TAB2: variants seen among roughly 807,000 people sequenced by gnomAD.
TAB2 encodes TGF-beta-activated kinase 1 and MAP3K7-binding protein 2.
TAB2 carries 3 observed loss-of-function variants against 65.0 expected under a neutral mutation model. That is an observed-to-expected ratio of 0.05 (90% CI 0.02 to 0.12). The LOEUF (loss-of-function observed/expected upper bound fraction) is 0.12. Ranked by LOEUF, TAB2 falls within the 10% of genes least tolerant of loss-of-function variation. The pLI, the probability that TAB2 is intolerant of heterozygous loss-of-function variation, is 1.00. For synonymous variants in TAB2, 298 were observed against 285.1 expected (o/e 1.05, Z -0.46); for missense variants, 623 against 840.3 (o/e 0.74, Z 3.20).
At chr6:149,346,448 CTTTTT>C (rs11399281) in intron 1 of TAB2, 8 of 113,408 alleles carry the variant, frequency 7.1e-5, no homozygotes, top group African/African-American at 1.4e-4. Flanking sequence ...GTTGGTGAAA[CTTTTT>C]TTTTTTTTTT....
At chr6:149,385,376 T>TA (rs1781756392) in intron 3 of TAB2, among the ~76,000 whole-genome samples, 2 of 152,194 alleles carry the variant, frequency 1.3e-5, no homozygotes, top group African/African-American at 4.8e-5. Context: ...CTTTATTAAA[T>TA]AAAAGCCTAC....
At chr6:149,294,638 G>T (rs1376762700) in intron 1 of TAB2, among the ~76,000 whole-genome samples, 3 of 152,178 alleles carry the variant, frequency 2.0e-5, no homozygotes, top group Non-Finnish European at 4.4e-5. Context: ...CCACGGTCAT[G>T]TATAGTTTTG....
chr6:149,322,791 T>G (rs1779497031), intron 1 of TAB2, among the ~76,000 whole-genome samples: 1 of 152,182 alleles, frequency 6.6e-6, no homozygotes, highest in African/African-American at 2.4e-5. Flanking sequence ...ATAGTAACTA[T>G]AGAGTAAATG....
intron 1 of TAB2, among the ~76,000 whole-genome samples, chr6:149,352,792 T>G (rs1780532542): frequency 6.6e-6 from 1 of 152,192 alleles, no homozygotes; most frequent in Non-Finnish European, 1.5e-5. Flanking sequence ...TACTTGGGCT[T>G]TATACTTAGG....
intron 6 of TAB2, among the ~76,000 whole-genome samples, chr6:149,406,269 A>AT (rs1453853496): frequency 6.6e-6 from 1 of 152,248 alleles, no homozygotes; most frequent in East Asian, 1.9e-4. Flanking sequence ...CATAAGAAAC[A>AT]TTAAGGTTTG....
chr6:149,302,154 T>C (rs1171184919), intron 1 of TAB2, among the ~76,000 whole-genome samples: 1 of 152,220 alleles, frequency 6.6e-6, no homozygotes, highest in Non-Finnish European at 1.5e-5. Context: ...ACACTGTCAT[T>C]TTCCCAAATG....
At chr6:149,264,400 G>C (rs77394887) in intron 1 of TAB2, among the ~76,000 whole-genome samples, 1 of 152,132 alleles carries the variant, frequency 6.6e-6, no homozygotes, top group Non-Finnish European at 1.5e-5. Flanking sequence ...CTCCTCCCTC[G>C]GAGGCCTAAT....
At chr6:149,329,587 G>A (rs1176053739) in intron 1 of TAB2, among the ~76,000 whole-genome samples, 2 of 148,908 alleles carry the variant, frequency 1.3e-5, no homozygotes, top group South Asian at 2.2e-4. Context: ...GAAAATAGAG[G>A]CAGTAGCAAA....
intron 1 of TAB2, among the ~76,000 whole-genome samples, chr6:149,238,519 G>A (rs969614046): frequency 6.6e-5 from 10 of 152,168 alleles, no homozygotes; most frequent in African/African-American, 2.2e-4. Flanking sequence ...CAGTGGCTCA[G>A]TGCTGAACAA....
At chr6:149,383,710 G>A (rs1442406337) in intron 3 of TAB2, among the ~76,000 whole-genome samples, 1 of 152,158 alleles carries the variant, frequency 6.6e-6, no homozygotes, top group Non-Finnish European at 1.5e-5. Flanking sequence ...AGCCTCCCGG[G>A]TAGCTGTGAT....
chr6:149,312,849 AT>A (rs1417359531), upstream of TAB2, among the ~76,000 whole-genome samples: 4 of 152,178 alleles, frequency 2.6e-5, no homozygotes, highest in South Asian at 2.1e-4. Context: ...TTACACAGTT[AT>A]TTTTTATGGT....
intron 1 of TAB2, among the ~76,000 whole-genome samples, chr6:149,289,635 G>A (rs1014239686): frequency 3.9e-5 from 6 of 152,144 alleles, no homozygotes; most frequent in Admixed American, 6.5e-5. Flanking sequence ...GCCTATGCCC[G>A]GAAACTACAC....
intron 1 of TAB2, among the ~76,000 whole-genome samples, chr6:149,337,856 G>A (rs1455739878): frequency 6.6e-6 from 1 of 152,132 alleles, no homozygotes; most frequent in Admixed American, 6.6e-5. Context: ...GATAGGGATA[G>A]GGTGGTAAGC....
At chr6:149,300,894 G>T (rs1778958437) in intron 1 of TAB2, among the ~76,000 whole-genome samples, 1 of 152,230 alleles carries the variant, frequency 6.6e-6, no homozygotes. Flanking sequence ...AGAGAATCCT[G>T]ACTCAGCTAC....
rs549584759 is a variant in TAB2, at chr6:149,401,753, G to A, written c.1939+2569G>A. Among the ~76,000 whole-genome samples, 11 of 152,062 alleles carry A rather than the reference G, an allele frequency of 7.2e-5. No individual in the cohort carries two copies. The East Asian group carries it at 2.1e-3, about 29-fold the overall frequency. On this transcript the variant is annotated intron_variant, in intron 6 of 6. Transcript: ENST00000637181. Reference sequence around the variant, plus strand: ...GAGTTTAAACAAACCTAAGAAGATAGAAATCATTCCACGTATTTTTTCTAA... The same window carrying A: ...GAGTTTAAACAAACCTAAGAAGATAAAAATCATTCCACGTATTTTTTCTAA...
intron 1 of TAB2, among the ~76,000 whole-genome samples, chr6:149,238,285 G>A (rs752022919): frequency 2.6e-5 from 4 of 152,040 alleles, no homozygotes; most frequent in Non-Finnish European, 5.9e-5. Flanking sequence ...CAAAAGTCTG[G>A]GTTTCTTTTC....
intron 1 of TAB2, among the ~76,000 whole-genome samples, chr6:149,219,880 T>C (rs1777103425): frequency 6.6e-6 from 1 of 152,218 alleles, no homozygotes. Context: ...AGGACCTCTT[T>C]ACGCTCTTAA....
chr6:149,288,926 C>T (rs376973826), intron 1 of TAB2, among the ~76,000 whole-genome samples: 3 of 145,876 alleles, frequency 2.1e-5, no homozygotes, highest in East Asian at 2.0e-4. Context: ...GGTGCAATCT[C>T]GGCTCACTGC....
At position 149,317,836 on chromosome 6, in the gene TAB2, G is replaced by C. The variant is rs1779301191; in HGVS notation, c.-269G>C. On this transcript the variant is annotated 5_prime_UTR_variant, in exon 1 of 7. Coordinates refer to ENST00000637181, the MANE Select transcript of TAB2 (RefSeq NM_001292034.3). This position sits in a 1 kb window ranked among gnomAD's most constrained non-coding sequence, Gnocchi z 4.7. ...AGTTGGCGGCGGCGGGCGAGCGGAG[G>C]GGGCTGAGCGGGGAGGGAGGGAGGG... 6.2e-6 allele frequency: 1 copy of C among 161,090 alleles called. No homozygotes were observed. The highest frequency in any genetic ancestry group is 1.4e-5 in the Non-Finnish European group (1 of 73,918). The allele number at this position is 161,090 out of a possible 1,614,324, so 10.0% of individuals were successfully genotyped here. A position where few individuals can be genotyped will look rare whatever the true frequency, so the allele number is the denominator to read the frequency against.
Sources: gnomAD v4.1 joint callset for allele counts (sites outside exome capture counted in the v4.1 genomes callset) on GRCh38, gnomAD v4.1.1 for gene constraint, Gnocchi (gnomAD v3.1) non-coding constraint, MANE v1.5 for transcripts, NCBI Gene and HGNC (gene_info 2026-07-23, HGNC 2026-07-21) for gene names.